The following DCLK2 variants were observed in gnomAD, a reference collection of about 807,000 sequenced individuals.
DCLK2 encodes the protein serine/threonine-protein kinase DCLK2.
DCLK2 carries 31 observed loss-of-function variants against 78.4 expected under a neutral mutation model. The ratio of observed to expected loss-of-function variants is 0.40; its 90% confidence interval spans 0.30 to 0.53. DCLK2 has a LOEUF of 0.53. Ranked by LOEUF, DCLK2 falls within the 20% of genes least tolerant of loss-of-function variation. The pLI, the probability that DCLK2 is intolerant of heterozygous loss-of-function variation, is 0.61. For missense variants in DCLK2, 872 were observed against 973.7 expected, an observed-to-expected ratio of 0.90 and a Z score of 1.39; for synonymous variants, 407 against 374.9, an observed-to-expected ratio of 1.09 and a Z score of -0.99.
intron 1 of DCLK2, among the ~76,000 whole-genome samples, chr4:150,093,390 T>A (rs1730230180): frequency 6.6e-6 from 1 of 152,210 alleles, no homozygotes; most frequent in Non-Finnish European, 1.5e-5. Flanking sequence ...ACATATTTAT[T>A]TATTTATTGA....
Position 150,079,396 on chromosome 4 carries a change from C to T in DCLK2, c.369C>T (p.Ile123=), listed in dbSNP as rs1384719865. ...NVNLPQGVRT[I]YTIDGSRKVT... ...ACCTGCCCCAGGGTGTCCGCACTAT[C>T]TACACCATCGACGGCAGCCGGAAGG... Residue 123 remains isoleucine, a synonymous_variant, in exon 1 of 16, where the codon ATC becomes ATT. Transcript: ENST00000296550. The T allele has an allele frequency of 1.3e-6, 2 of 1,571,596 alleles. No individual in the cohort carries two copies. The highest frequency in any genetic ancestry group is 1.7e-6 in the Non-Finnish European group (2 of 1,155,530).
At chr4:150,218,276 G>A (rs1047783671) in intron 5 of DCLK2, among the ~76,000 whole-genome samples, 1 of 152,098 alleles carries the variant, frequency 6.6e-6, no homozygotes, top group African/African-American at 2.4e-5. Context: ...AGCTATATAG[G>A]GGATCAGGGT....
intron 5 of DCLK2, among the ~76,000 whole-genome samples, chr4:150,215,192 A>G (rs897950591): frequency 2.0e-5 from 3 of 152,210 alleles, no homozygotes; most frequent in Non-Finnish European, 2.9e-5. Flanking sequence ...CAATAAGCAC[A>G]GAAGAAGACT....
At chr4:150,101,320 G>A (rs968552356) in intron 1 of DCLK2, among the ~76,000 whole-genome samples, 4 of 152,116 alleles carry the variant, frequency 2.6e-5, no homozygotes, top group South Asian at 4.2e-4. Context: ...AATTATTCAT[G>A]TGCCTTCGGA....
At chr4:150,231,839 G>A (rs544247734) in intron 8 of DCLK2, among the ~76,000 whole-genome samples, 4 of 152,274 alleles carry the variant, frequency 2.6e-5, no homozygotes, top group African/African-American at 7.2e-5. Context: ...ATAAATTTCA[G>A]CATGAAATTC....
At chr4:150,096,862 G>A (rs1393717362) in intron 1 of DCLK2, among the ~76,000 whole-genome samples, 2 of 152,206 alleles carry the variant, frequency 1.3e-5, no homozygotes, top group Admixed American at 1.3e-4. Context: ...AGGACTGGCA[G>A]TGAATGGAAG....
At chr4:150,212,531 A>G (rs1740395356) in intron 5 of DCLK2, among the ~76,000 whole-genome samples, 1 of 152,204 alleles carries the variant, frequency 6.6e-6, no homozygotes, top group Non-Finnish European at 1.5e-5. Context: ...ATGGATGGTG[A>G]CTTCATCTTT....
At chr4:150,101,931 T>C (rs1297808607) in intron 1 of DCLK2, among the ~76,000 whole-genome samples, 2 of 152,208 alleles carry the variant, frequency 1.3e-5, no homozygotes, top group Non-Finnish European at 2.9e-5. Flanking sequence ...TTTGTGGTGC[T>C]TCATTAATTT....
intron 2 of DCLK2, among the ~76,000 whole-genome samples, chr4:150,123,637 C>T (rs774029760): frequency 5.3e-5 from 8 of 152,148 alleles, no homozygotes; most frequent in Non-Finnish European, 1.0e-4. Context: ...AGGGTTGCCA[C>T]GAAACTTCCA....
At chr4:150,132,592 C>A (rs1325565980) in intron 2 of DCLK2, among the ~76,000 whole-genome samples, 1 of 151,668 alleles carries the variant, frequency 6.6e-6, no homozygotes, top group Admixed American at 6.6e-5. Context: ...TTGTTCACAA[C>A]TTTTTTTTTA....
At chr4:150,143,892 G>A (rs968619361) in intron 2 of DCLK2, among the ~76,000 whole-genome samples, 8 of 151,930 alleles carry the variant, frequency 5.3e-5, no homozygotes, top group Non-Finnish European at 7.4e-5. Context: ...GTTTTTAATA[G>A]GATTGTTTTT....
intron 1 of DCLK2, among the ~76,000 whole-genome samples, chr4:150,094,897 C>T (rs1461784533): frequency 6.6e-6 from 1 of 152,130 alleles, no homozygotes; most frequent in African/African-American, 2.4e-5. Context: ...ACACCTTACC[C>T]ACATGTTCAG....
chr4:150,249,308 A>G (rs1743567394), intron 14 of DCLK2, among the ~76,000 whole-genome samples: 1 of 152,056 alleles, frequency 6.6e-6, no homozygotes, highest in Non-Finnish European at 1.5e-5. Context: ...GTGTCCCGGG[A>G]GACCTGTGCC....
intron 8 of DCLK2, among the ~76,000 whole-genome samples, chr4:150,227,791 C>T (rs914416201): frequency 6.6e-6 from 1 of 152,214 alleles, no homozygotes; most frequent in African/African-American, 2.4e-5. Context: ...TCTTTGTCTT[C>T]CTACTGTATA....
chr4:150,198,856 T>G (rs1409442041), intron 4 of DCLK2, among the ~76,000 whole-genome samples: 4 of 151,496 alleles, frequency 2.6e-5, no homozygotes, highest in African/African-American at 9.7e-5. Flanking sequence ...CATCAGACTT[T>G]ATAAAAGACC....
chr4:150,215,856 T>C (rs763653314), intron 5 of DCLK2, among the ~76,000 whole-genome samples: 1 of 152,258 alleles, frequency 6.6e-6, no homozygotes, highest in Non-Finnish European at 1.5e-5. Context: ...GACAGTCTTA[T>C]GACTGCAGTC....
intron 5 of DCLK2, among the ~76,000 whole-genome samples, chr4:150,215,224 T>A (rs914747238): frequency 1.3e-5 from 2 of 152,190 alleles, no homozygotes; most frequent in Admixed American, 1.3e-4. Flanking sequence ...ATGTGGGGGA[T>A]GAGTTTCGTT....
At chr4:150,254,308 A>G (rs1560919854) in intron 15 of DCLK2, 4 of 398,216 alleles carry the variant, frequency 1.0e-5, no homozygotes, top group Admixed American at 4.4e-5. Context: ...GCCTTAATTT[A>G]AGATAGACAA....
At chr4:150,216,512 GCTTGTAAT>G (rs1476765015) in intron 5 of DCLK2, among the ~76,000 whole-genome samples, 2 of 152,098 alleles carry the variant, frequency 1.3e-5, no homozygotes, top group Non-Finnish European at 2.9e-5. Context: ...GGTGGCGGGT[GCTTGTAAT>G]CTCAGCTACC....
Sources: allele counts gnomAD v4.1 joint callset (sites outside exome capture counted in the v4.1 genomes callset), GRCh38; gene constraint gnomAD v4.1.1; transcripts MANE v1.5; gene names NCBI Gene and HGNC (gene_info 2026-07-23, HGNC 2026-07-21).